The following MAOB variants were observed in gnomAD, a reference collection of about 807,000 sequenced individuals.
MAOB encodes amine oxidase [flavin-containing] B.
A neutral mutation model predicts 41.9 loss-of-function variants in MAOB; 15 were observed. That is an observed-to-expected ratio of 0.36 (90% CI 0.24 to 0.55). The LOEUF (loss-of-function observed/expected upper bound fraction) is 0.55, where lower values mean the gene tolerates loss of function less well. MAOB is among the 20% of genes least tolerant of loss of function. MAOB has a pLI of 0.86. For synonymous variants in MAOB, 167 were observed against 144.2 expected, an observed-to-expected ratio of 1.16 and a Z score of -1.13; for missense variants, 345 against 398.7, an observed-to-expected ratio of 0.87 and a Z score of 1.15.
At chrX:43,852,762 C>T (rs999252208) in intron 1 of MAOB, among the ~76,000 whole-genome samples, 2 of 111,572 alleles carry the variant, frequency 1.8e-5, no homozygotes, top group Non-Finnish European at 3.8e-5. Flanking sequence ...CTCTTGAGGG[C>T]GGAAAGTTCT....
intron 8 of MAOB, among the ~76,000 whole-genome samples, chrX:43,790,571 C>T (rs1188684384): frequency 9.0e-6 from 1 of 110,837 alleles, no homozygotes; most frequent in Admixed American, 9.6e-5. Context: ...GTGAGGCTAT[C>T]TCATGTCAAC....
chrX:43,791,823 A>C (rs1373791431), intron 8 of MAOB, among the ~76,000 whole-genome samples: 1 of 112,444 alleles, frequency 8.9e-6, no homozygotes, highest in Non-Finnish European at 1.9e-5. Context: ...GCTATATTTC[A>C]AGTGTTCAGT....
intron 2 of MAOB, among the ~76,000 whole-genome samples, chrX:43,842,812 G>A (rs368388327): frequency 9.0e-6 from 1 of 111,581 alleles, no homozygotes; most frequent in Non-Finnish European, 1.9e-5. Context: ...AGTGAAATAA[G>A]CCAGGCACAG....
chrX:43,861,760 T>G (rs1041346879), intron 1 of MAOB, among the ~76,000 whole-genome samples: 2 of 111,797 alleles, frequency 1.8e-5, no homozygotes, highest in African/African-American at 6.5e-5. Context: ...CACTGTTAGA[T>G]TATTGAAAAG....
intron 12 of MAOB, among the ~76,000 whole-genome samples, chrX:43,773,270 T>C (rs779262749): frequency 1.4e-4 from 16 of 112,435 alleles, no homozygotes; most frequent in African/African-American, 4.8e-4. Context: ...GTGGTATCTC[T>C]ATGCCCCTGT....
chrX:43,779,509 GATTAC>G (rs1307662468), intron 10 of MAOB, among the ~76,000 whole-genome samples: 2 of 111,543 alleles, frequency 1.8e-5, no homozygotes, highest in Non-Finnish European at 3.8e-5. Context: ...GGATAAATTT[GATTAC>G]ATAAAAAGAT....
At chrX:43,775,703 G>T (rs2034246822) in intron 11 of MAOB, among the ~76,000 whole-genome samples, 2 of 111,954 alleles carry the variant, frequency 1.8e-5, no homozygotes, top group African/African-American at 3.3e-5. Flanking sequence ...TTTGGTGGAG[G>T]TGAGCTTTCT....
At chrX:43,881,713 G>T in intron 1 of MAOB, among the ~76,000 whole-genome samples, 1 of 112,050 alleles carries the variant, frequency 8.9e-6, no homozygotes, top group Non-Finnish European at 1.9e-5. Context: ...TTGCCAAAAA[G>T]ACACTGCAGC....
intron 3 of MAOB, among the ~76,000 whole-genome samples, chrX:43,806,857 T>A (rs1190944631): frequency 2.7e-5 from 3 of 112,004 alleles, no homozygotes; most frequent in Non-Finnish European, 5.6e-5. Context: ...CTCAAATTAT[T>A]CTACTTCTGA....
At chrX:43,777,400 C>T (rs1021166151) in intron 11 of MAOB, among the ~76,000 whole-genome samples, 4 of 109,878 alleles carry the variant, frequency 3.6e-5, no homozygotes, top group Admixed American at 2.9e-4. Flanking sequence ...AAAAAAAAAG[C>T]AAAACATATT....
Position 43,848,380 on chromosome X carries a change from T to C in MAOB, c.47-4616A>G, listed in dbSNP as rs775603236. ...TTGAAAATACTACATAAGGACTCTT[T>C]CCCAGTTTAAAGTTATGAAAAGAGA... On this transcript the variant is annotated intron_variant, in intron 1 of 14. Transcript: ENST00000378069. Among the ~76,000 whole-genome samples, 6 of 112,098 alleles carry C rather than the reference T, an allele frequency of 5.4e-5. No homozygotes were observed. The South Asian group carries it at 2.2e-3, about 41-fold the overall frequency.
chrX:43,773,239 C>G (rs901511861), intron 12 of MAOB, among the ~76,000 whole-genome samples: 1 of 112,138 alleles, frequency 8.9e-6, no homozygotes, highest in Non-Finnish European at 1.9e-5. Flanking sequence ...GTAAAGCTAG[C>G]CTGTGCCTCT....
At chrX:43,824,114 A>T (rs1470778319) in intron 3 of MAOB, among the ~76,000 whole-genome samples, 1 of 112,161 alleles carries the variant, frequency 8.9e-6, no homozygotes, top group Non-Finnish European at 1.9e-5. Flanking sequence ...TCTCACACAT[A>T]TGTACATGAG....
intron 3 of MAOB, among the ~76,000 whole-genome samples, chrX:43,834,716 A>T: frequency 8.9e-6 from 1 of 112,327 alleles, no homozygotes; most frequent in East Asian, 2.8e-4. Context: ...CAACAAGCAG[A>T]CAATATATTT....
At chrX:43,829,959 C>T (rs998272870) in intron 3 of MAOB, among the ~76,000 whole-genome samples, 1 of 111,679 alleles carries the variant, frequency 9.0e-6, no homozygotes, top group African/African-American at 3.3e-5. Context: ...AACCACACAT[C>T]AGATTTTAAA....
intron 1 of MAOB, among the ~76,000 whole-genome samples, chrX:43,849,595 C>T (rs775117719): frequency 1.2e-4 from 14 of 113,042 alleles, no homozygotes; most frequent in Admixed American, 3.7e-4. Context: ...ATTACATCCC[C>T]CTTCTACTTC....
chrX:43,785,811 T>C (rs1247516981), intron 8 of MAOB, among the ~76,000 whole-genome samples: 1 of 111,744 alleles, frequency 8.9e-6, no homozygotes, highest in African/African-American at 3.3e-5. Flanking sequence ...TCAGAATACA[T>C]ACAGCATTTA....
chrX:43,854,456 G>A (rs2035275508), intron 1 of MAOB, among the ~76,000 whole-genome samples: 1 of 111,292 alleles, frequency 9.0e-6, no homozygotes, highest in Admixed American at 9.6e-5. Context: ...AGTGGGAGTT[G>A]AACAATGAGA....
At chrX:43,869,798 G>T in intron 1 of MAOB, among the ~76,000 whole-genome samples, 1 of 111,528 alleles carries the variant, frequency 9.0e-6, no homozygotes, top group Middle Eastern at 4.6e-3. Flanking sequence ...ATATCAAAAG[G>T]TTCATCGTCA....
Sources: gnomAD v4.1 joint callset for allele counts (sites outside exome capture counted in the v4.1 genomes callset) on GRCh38, gnomAD v4.1.1 for gene constraint, MANE v1.5 for transcripts, NCBI Gene and HGNC (gene_info 2026-07-23, HGNC 2026-07-21) for gene names.